PEBP4: variants seen among roughly 807,000 people sequenced by gnomAD.
PEBP4 encodes the protein phosphatidylethanolamine-binding protein 4.
A neutral mutation model predicts 23.9 loss-of-function variants in PEBP4; 22 were observed. That is an observed-to-expected ratio of 0.92 (90% CI 0.66 to 1.31). PEBP4 has a LOEUF of 1.31. Among genes scored for constraint, PEBP4 ranks in the 40% most tolerant of loss-of-function variants. The probability of loss-of-function intolerance (pLI) is 0.00; values close to 1 mark genes in which losing one functional copy is unlikely to be tolerated. For missense variants in PEBP4, 324 were observed against 281.7 expected (o/e 1.15, Z -1.07); for synonymous variants, 112 against 99.3 (o/e 1.13, Z -0.76).
intron 4 of PEBP4, among the ~76,000 whole-genome samples, chr8:22,778,600 C>G (rs368362071): frequency 6.6e-6 from 1 of 152,120 alleles, no homozygotes; most frequent in Non-Finnish European, 1.5e-5. Flanking sequence ...CTGTTTCCCT[C>G]GCCTGTGATC....
intron 4 of PEBP4, among the ~76,000 whole-genome samples, chr8:22,728,577 T>TTCCTTCCTTCCTTCC (rs1804669338): frequency 7.4e-6 from 1 of 134,318 alleles, no homozygotes; most frequent in African/African-American, 2.8e-5. Flanking sequence ...CCTTCCTTCC[T>TTCCTTCCTTCCTTCC]TCCTTCCTTC....
At chr8:22,768,200 G>T (rs1398518698) in intron 4 of PEBP4, among the ~76,000 whole-genome samples, 1 of 152,168 alleles carries the variant, frequency 6.6e-6, no homozygotes, top group Non-Finnish European at 1.5e-5. Context: ...TCCCTAGCAG[G>T]CTGTTTCCCC....
chr8:22,926,103 G>C (rs1809323473), intron 2 of PEBP4, among the ~76,000 whole-genome samples: 1 of 152,006 alleles, frequency 6.6e-6, no homozygotes, highest in African/African-American at 2.4e-5. Flanking sequence ...AGCCTCCTGA[G>C]TAGCTGGGAT....
chr8:22,828,620 T>C (rs150997076), intron 3 of PEBP4, among the ~76,000 whole-genome samples: 7 of 152,300 alleles, frequency 4.6e-5, no homozygotes, highest in Non-Finnish European at 8.8e-5. Context: ...TAGACGCCAT[T>C]GCACCCTGTT....
intron 4 of PEBP4, among the ~76,000 whole-genome samples, chr8:22,755,322 C>T (rs1277631012): frequency 2.0e-5 from 3 of 148,378 alleles, no homozygotes; most frequent in Non-Finnish European, 4.5e-5. Flanking sequence ...TCATTTCTCT[C>T]CCTCTTTTTT....
At position 22,804,017 on chromosome 8, in the gene PEBP4, A is replaced by G. The variant is rs147320926; in HGVS notation, c.357+13620T>C. 8.4e-3 allele frequency among the ~76,000 whole-genome samples: 1,278 copies of G among 152,330 alleles called. 19 individuals are homozygous for G. The highest frequency in any genetic ancestry group is 0.015 in the Non-Finnish European group (996 of 68,020). ...TCTTGGGCCACTCCACATAGCAGCT[A>G]GATAGATCTTTTAAAAGTGCAAGGC... On this transcript the variant is annotated intron_variant, in intron 4 of 6. Transcript: ENST00000256404.
chr8:22,878,263 G>C (rs970289215), intron 3 of PEBP4: 1 of 150,822 alleles, frequency 6.6e-6, no homozygotes, highest in African/African-American at 2.4e-5. Flanking sequence ...GGAATCCCTG[G>C]AATTTAAGGT....
chr8:22,803,003 C>G (rs1471990431), intron 4 of PEBP4, among the ~76,000 whole-genome samples: 1 of 152,156 alleles, frequency 6.6e-6, no homozygotes, highest in Non-Finnish European at 1.5e-5. Flanking sequence ...CATCCTGGCC[C>G]CAAGCTCTTT....
chr8:22,796,983 C>T (rs976569509), intron 4 of PEBP4, among the ~76,000 whole-genome samples: 5 of 150,882 alleles, frequency 3.3e-5, no homozygotes, highest in East Asian at 1.9e-4. Flanking sequence ...TGGCTGGGCA[C>T]GGTGGTTCAT....
intron 3 of PEBP4, among the ~76,000 whole-genome samples, chr8:22,879,674 C>G (rs1164531451): frequency 1.3e-5 from 2 of 152,202 alleles, no homozygotes; most frequent in Admixed American, 6.5e-5. Flanking sequence ...GGACAGGGAG[C>G]CTGCCCAGGG....
intron 4 of PEBP4, among the ~76,000 whole-genome samples, chr8:22,788,872 T>G (rs78462604): frequency 6.6e-6 from 1 of 151,022 alleles, no homozygotes; most frequent in Non-Finnish European, 1.5e-5. Context: ...GGTGATAATA[T>G]AAAAAAAAAG....
chr8:22,796,521 G>A (rs963634957), intron 4 of PEBP4, among the ~76,000 whole-genome samples: 2 of 152,168 alleles, frequency 1.3e-5, no homozygotes, highest in Non-Finnish European at 2.9e-5. Flanking sequence ...AGCCCTCTGT[G>A]CTGGCTCTCA....
chr8:22,798,680 G>C (rs1174856497), intron 4 of PEBP4: 2 of 142,226 alleles, frequency 1.4e-5, no homozygotes, highest in Non-Finnish European at 3.0e-5. Flanking sequence ...TGATCTCCCT[G>C]TGTCATCACT....
chr8:22,737,294 CA>C (rs11302571), intron 4 of PEBP4, among the ~76,000 whole-genome samples: 20,208 of 65,532 alleles, frequency 0.31, 751 homozygotes, highest in African/African-American at 0.36. Context: ...GACTCCGTCT[CA>C]AAAAAAAAAA....
chr8:22,864,683 G>A (rs536458861), intron 3 of PEBP4, among the ~76,000 whole-genome samples: 2 of 152,352 alleles, frequency 1.3e-5, no homozygotes, highest in South Asian at 4.1e-4. Flanking sequence ...TGCTCCGCCA[G>A]GCAGCTTGTT....
chr8:22,895,966 C>G (rs1355362812), intron 3 of PEBP4: 3 of 152,280 alleles, frequency 2.0e-5, no homozygotes, highest in Non-Finnish European at 4.4e-5. Context: ...TGCCTGTGCT[C>G]CCAGTTACTG....
At chr8:22,891,394 C>T (rs141637449) in intron 3 of PEBP4, among the ~76,000 whole-genome samples, 1 of 152,334 alleles carries the variant, frequency 6.6e-6, no homozygotes, top group East Asian at 1.9e-4. Context: ...CTCCCACATC[C>T]TCATCTCCCT....
At chr8:22,763,010 C>CT (rs34844479) in intron 4 of PEBP4, among the ~76,000 whole-genome samples, 3,472 of 146,192 alleles carry the variant, frequency 0.024, 31 homozygotes, top group Non-Finnish European at 0.028. Flanking sequence ...TGAAAGAAGT[C>CT]TTTTTTTTTT....
chr8:22,782,253 G>C lies in PEBP4; in HGVS notation c.357+35384C>G, dbSNP rs567276501. ...ACAATGTTGATCTTAGTGATACAAGGTGCCTTACCAGTGGGCTTGATAACT... is the reference window on the plus strand; with the variant it reads ...ACAATGTTGATCTTAGTGATACAAGCTGCCTTACCAGTGGGCTTGATAACT... On this transcript the variant is annotated intron_variant, in intron 4 of 6. Coordinates refer to ENST00000256404, the MANE Select transcript of PEBP4 (RefSeq NM_144962.3). Among the ~76,000 whole-genome samples, 32 of 152,292 alleles carry C rather than the reference G, an allele frequency of 2.1e-4. No individual in the cohort carries two copies. In the South Asian group the frequency reaches 6.2e-3, roughly 30 times the overall value.
Sources: gnomAD v4.1 joint callset for allele counts (sites outside exome capture counted in the v4.1 genomes callset) on GRCh38, gnomAD v4.1.1 for gene constraint, MANE v1.5 for transcripts, NCBI Gene and HGNC (gene_info 2026-07-23, HGNC 2026-07-21) for gene names.